The following WDFY2 variants were observed in gnomAD, a reference collection of about 807,000 sequenced individuals.
The protein encoded by WDFY2 is WD repeat and FYVE domain-containing protein 2.
WDFY2 carries 36 observed loss-of-function variants against 56.4 expected under a neutral mutation model. The observed-to-expected ratio is 0.64, with a 90% CI of 0.49 to 0.84. WDFY2 has a LOEUF of 0.84. Ranked by LOEUF, WDFY2 falls within the 40% of genes least tolerant of loss-of-function variation. The pLI is 0.00. For synonymous variants in WDFY2, 176 were observed against 183.7 expected, an observed-to-expected ratio of 0.96 and a Z score of 0.34; for missense variants, 444 against 512.2, an observed-to-expected ratio of 0.87 and a Z score of 1.29.
chr13:51,597,401 T>C (rs1336429783), intron 1 of WDFY2, among the ~76,000 whole-genome samples: 3 of 152,240 alleles, frequency 2.0e-5, no homozygotes, highest in Non-Finnish European at 4.4e-5. Flanking sequence ...CCTGAAGGAC[T>C]GAACTTGAAC....
At chr13:51,626,187 A>G (rs1481277664) in intron 1 of WDFY2, among the ~76,000 whole-genome samples, 1 of 152,238 alleles carries the variant, frequency 6.6e-6, no homozygotes, top group African/African-American at 2.4e-5. Flanking sequence ...ACATTCTTCA[A>G]CAATAAGACC....
At chr13:51,664,676 G>A (rs1022688975) in intron 2 of WDFY2, among the ~76,000 whole-genome samples, 1 of 152,118 alleles carries the variant, frequency 6.6e-6, no homozygotes, top group Non-Finnish European at 1.5e-5. Flanking sequence ...TCTGTTACTT[G>A]TAACTGCAAG....
chr13:51,707,272 G>A (rs1050419479), intron 4 of WDFY2, among the ~76,000 whole-genome samples: 20 of 152,124 alleles, frequency 1.3e-4, no homozygotes, highest in African/African-American at 4.8e-4. Flanking sequence ...CAGTCCTCCT[G>A]CCTCACCTCC....
At chr13:51,602,444 T>TA (rs1220322003) in intron 1 of WDFY2, among the ~76,000 whole-genome samples, 1 of 152,230 alleles carries the variant, frequency 6.6e-6, no homozygotes, top group Non-Finnish European at 1.5e-5. Flanking sequence ...TATGGGTTTG[T>TA]ATAGATACAC....
At chr13:51,688,154 C>T (rs1056561794) in intron 3 of WDFY2, among the ~76,000 whole-genome samples, 3 of 152,186 alleles carry the variant, frequency 2.0e-5, no homozygotes, top group African/African-American at 7.2e-5. Flanking sequence ...CTGCTGTCTG[C>T]AGCCAGTGTC....
At chr13:51,651,799 T>G (rs1161273484) in intron 1 of WDFY2, among the ~76,000 whole-genome samples, 1 of 152,024 alleles carries the variant, frequency 6.6e-6, no homozygotes, top group Non-Finnish European at 1.5e-5. Flanking sequence ...TTACATTTGC[T>G]GAGGAGTGCT....
At chr13:51,752,713 G>T (rs1309182635) in intron 8 of WDFY2, 1 of 152,232 alleles carries the variant, frequency 6.6e-6, no homozygotes, top group East Asian at 1.9e-4. Context: ...TTGATATGCA[G>T]ATATAGAGGC....
At chr13:51,601,807 A>G (rs774971586) in intron 1 of WDFY2, among the ~76,000 whole-genome samples, 14 of 152,324 alleles carry the variant, frequency 9.2e-5, no homozygotes, top group Non-Finnish European at 1.2e-4. Flanking sequence ...CCACCTCTCC[A>G]TGAGGCGCTC....
intron 5 of WDFY2, among the ~76,000 whole-genome samples, chr13:51,722,569 A>G (rs960205401): frequency 2.6e-5 from 4 of 152,222 alleles, no homozygotes; most frequent in Admixed American, 6.5e-5. Flanking sequence ...AGTCTTTTAC[A>G]CATTACTTTG....
intron 1 of WDFY2, among the ~76,000 whole-genome samples, chr13:51,628,250 A>G (rs1954876216): frequency 6.6e-6 from 1 of 152,136 alleles, no homozygotes; most frequent in Non-Finnish European, 1.5e-5. Context: ...CAGTGCCCAA[A>G]GTTTCAGAGG....
intron 1 of WDFY2, among the ~76,000 whole-genome samples, chr13:51,604,515 A>AG (rs1954349182): frequency 1.3e-5 from 2 of 152,212 alleles, no homozygotes; most frequent in Admixed American, 1.3e-4. Flanking sequence ...GAAGGTCACT[A>AG]GACATTATGA....
At chr13:51,600,862 C>G (rs1406358304) in intron 1 of WDFY2, among the ~76,000 whole-genome samples, 1 of 152,216 alleles carries the variant, frequency 6.6e-6, no homozygotes. Flanking sequence ...CTCACAGACT[C>G]TTGTGTTTCT....
rs1954477498 is a variant in WDFY2 at position 51,610,420 on chromosome 13, T to C, written c.137+25596T>C. 2.0e-5 allele frequency among the ~76,000 whole-genome samples: 3 copies of C among 152,320 alleles called. No individual in the cohort carries two copies. In the South Asian group the frequency reaches 6.2e-4, roughly 32 times the overall value. On this transcript the variant is annotated intron_variant, in intron 1 of 11. Transcript: ENST00000298125. ...AAATTTCCTTTATTGTATGAATTTG[T>C]TGTATGAATTTTTTTGTATGAAATT...
intron 8 of WDFY2, among the ~76,000 whole-genome samples, chr13:51,751,842 T>A (rs1429211824): frequency 1.3e-5 from 2 of 152,268 alleles, no homozygotes; most frequent in Non-Finnish European, 2.9e-5. Flanking sequence ...AATTATTTTG[T>A]ACTTTATAAG....
At chr13:51,647,571 A>G (rs576061620) in intron 1 of WDFY2, among the ~76,000 whole-genome samples, 4 of 152,282 alleles carry the variant, frequency 2.6e-5, no homozygotes, top group South Asian at 2.1e-4. Flanking sequence ...CCTGGGAAAC[A>G]CAGTGAGACC....
chr13:51,648,203 A>G (rs1228630795), intron 1 of WDFY2, among the ~76,000 whole-genome samples: 2 of 152,310 alleles, frequency 1.3e-5, no homozygotes, highest in East Asian at 1.9e-4. Context: ...TCTTTAGGAA[A>G]TAAGGGCTGG....
At chr13:51,730,635 A>T (rs1389053268) in intron 6 of WDFY2, among the ~76,000 whole-genome samples, 1 of 152,234 alleles carries the variant, frequency 6.6e-6, no homozygotes, top group Non-Finnish European at 1.5e-5. Flanking sequence ...GCTTCTGGGA[A>T]CACAGAAGGG....
At chr13:51,670,712 C>T (rs1955793158) in intron 2 of WDFY2, among the ~76,000 whole-genome samples, 1 of 152,004 alleles carries the variant, frequency 6.6e-6, no homozygotes, top group African/African-American at 2.4e-5. Flanking sequence ...TGTTTATGCT[C>T]ATTTATAGAA....
intron 3 of WDFY2, among the ~76,000 whole-genome samples, chr13:51,681,741 A>G (rs17075881): frequency 0.011 from 1,625 of 152,322 alleles, 26 homozygotes; most frequent in African/African-American, 0.036. Flanking sequence ...TATGCTTAGC[A>G]GGAAAATAGT....
Sources: allele counts gnomAD v4.1 joint callset (sites outside exome capture counted in the v4.1 genomes callset), GRCh38; gene constraint gnomAD v4.1.1; transcripts MANE v1.5; gene names NCBI Gene and HGNC (gene_info 2026-07-23, HGNC 2026-07-21).